Variants in ZNF385D observed in about 807,000 individuals in gnomAD.
ZNF385D encodes the protein zinc finger protein 659.
A neutral mutation model predicts 35.8 loss-of-function variants in ZNF385D; 15 were observed. That is an observed-to-expected ratio of 0.42 (90% CI 0.28 to 0.64). The LOEUF (loss-of-function observed/expected upper bound fraction) is 0.64. Among genes scored for constraint, ZNF385D ranks in the 30% least tolerant of loss-of-function variants. ZNF385D has a pLI of 0.23. For missense variants in ZNF385D, 474 were observed against 494.6 expected (o/e 0.96, Z 0.39); for synonymous variants, 212 against 186.8 (o/e 1.13, Z -1.10).
At chr3:22,040,567 A>T (rs142008119) in intron 3 of ZNF385D, among the ~76,000 whole-genome samples, 1 of 152,196 alleles carries the variant, frequency 6.6e-6, no homozygotes, top group Admixed American at 6.5e-5. Context: ...AATAATGATA[A>T]TCACACATTT....
chr3:21,923,395 T>G (rs1219722737), intron 3 of ZNF385D, among the ~76,000 whole-genome samples: 1 of 152,300 alleles, frequency 6.6e-6, no homozygotes, highest in East Asian at 1.9e-4. Context: ...AGTGAATGTT[T>G]ATACACTGTT....
At chr3:21,962,110 A>G (rs557051465) in intron 3 of ZNF385D, among the ~76,000 whole-genome samples, 2 of 152,240 alleles carry the variant, frequency 1.3e-5, no homozygotes, top group African/African-American at 4.8e-5. Context: ...TAAAGTGCAG[A>G]AAACATATTA....
chr3:22,091,059 G>A (rs981756659), intron 3 of ZNF385D, among the ~76,000 whole-genome samples: 2 of 152,102 alleles, frequency 1.3e-5, no homozygotes, highest in Non-Finnish European at 1.5e-5. Flanking sequence ...TTCAACAGGT[G>A]TTAGGCCAAG....
intron 2 of ZNF385D, among the ~76,000 whole-genome samples, chr3:22,303,031 ATGT>A (rs1313595330): frequency 6.6e-6 from 1 of 151,978 alleles, no homozygotes; most frequent in Non-Finnish European, 1.5e-5. Flanking sequence ...TTTTTTGTTA[ATGT>A]TGTTAATTGC....
intron 5 of ZNF385D, among the ~76,000 whole-genome samples, chr3:21,433,197 A>G (rs368255): frequency 0.63 from 95,518 of 151,738 alleles, 32,556 homozygotes; most frequent in Non-Finnish European, 0.77. Context: ...GATAGCATTT[A>G]ATGGAAGTTG....
upstream of ZNF385D, among the ~76,000 whole-genome samples, chr3:21,754,080 A>G (rs1425366289): frequency 4.6e-5 from 7 of 152,212 alleles, no homozygotes; most frequent in Non-Finnish European, 8.8e-5. Flanking sequence ...TTTGTTATCC[A>G]TTCATCCACT....
chr3:21,699,478 AAAGTAT>A (rs2067594277), intron 1 of ZNF385D, among the ~76,000 whole-genome samples: 1 of 152,162 alleles, frequency 6.6e-6, no homozygotes, highest in Non-Finnish European at 1.5e-5. Flanking sequence ...CCCAGAACTT[AAAGTAT>A]AATAATAAAA....
At chr3:22,211,391 T>A (rs1318586403) in intron 2 of ZNF385D, among the ~76,000 whole-genome samples, 1 of 151,894 alleles carries the variant, frequency 6.6e-6, no homozygotes, top group African/African-American at 2.4e-5. Flanking sequence ...CCCTCCTGAG[T>A]GGTCAGTAGA....
At chr3:21,528,621 A>G (rs1377699298) in intron 3 of ZNF385D, among the ~76,000 whole-genome samples, 4 of 152,226 alleles carry the variant, frequency 2.6e-5, no homozygotes, top group Admixed American at 2.0e-4. Flanking sequence ...AATGGATCAT[A>G]ACATTTGATT....
intron 1 of ZNF385D, among the ~76,000 whole-genome samples, chr3:21,733,579 C>T (rs1391724054): frequency 1.3e-5 from 2 of 152,078 alleles, no homozygotes; most frequent in Non-Finnish European, 2.9e-5. Context: ...TTTTTCCAAG[C>T]ACAAGTTATT....
intron 3 of ZNF385D, among the ~76,000 whole-genome samples, chr3:22,106,547 G>T (rs1702223012): frequency 6.6e-6 from 1 of 152,046 alleles, no homozygotes; most frequent in Non-Finnish European, 1.5e-5. Context: ...TAGCTCCTGG[G>T]CATCTGATTT....
intron 1 of ZNF385D, among the ~76,000 whole-genome samples, chr3:21,708,000 TG>T (rs562521147): frequency 4.6e-5 from 7 of 152,188 alleles, no homozygotes; most frequent in Non-Finnish European, 8.8e-5. Flanking sequence ...ACTACGGGCA[TG>T]TAGGACTTTG....
intron 3 of ZNF385D, among the ~76,000 whole-genome samples, chr3:22,087,301 T>G (rs887985807): frequency 1.3e-5 from 2 of 152,106 alleles, no homozygotes; most frequent in African/African-American, 4.8e-5. Context: ...CATATCCATT[T>G]CCTCTAAGCC....
intron 4 of ZNF385D, 62 bp from the exon 5 acceptor site, chr3:21,437,265 G>A: frequency 7.0e-7 from 1 of 1,428,522 alleles, no homozygotes. Context: ...TCCCTATTCA[G>A]GAATGTATCA....
intron 2 of ZNF385D, among the ~76,000 whole-genome samples, chr3:22,260,082 G>A (rs756978452): frequency 1.3e-5 from 2 of 151,942 alleles, no homozygotes; most frequent in Non-Finnish European, 2.9e-5. Context: ...TTTACAGTGT[G>A]CTCTACTCTA....
rs955832409 is a variant in ZNF385D, at chr3:22,092,076, A to G, written c.325+76741T>C. ...TTGTTTCACTTTTGAATAAAAGTTC[A>G]AGATTGAATAGAAGAGTGAATATGG... On this transcript the variant is annotated intron_variant, in intron 3 of 5. Coordinates refer to the ZNF385D transcript ENST00000494108. Among the ~76,000 whole-genome samples, 18 of 152,340 alleles carry G rather than the reference A, an allele frequency of 1.2e-4. No homozygotes were observed. The East Asian group carries it at 2.5e-3, about 21-fold the overall frequency.
At chr3:22,368,261 G>C (rs1696744957) in intron 2 of ZNF385D, among the ~76,000 whole-genome samples, 2 of 152,102 alleles carry the variant, frequency 1.3e-5, no homozygotes, top group African/African-American at 4.8e-5. Flanking sequence ...TTTATCAGGA[G>C]GTTAGGAATA....
intron 3 of ZNF385D, among the ~76,000 whole-genome samples, chr3:21,756,607 T>C (rs527493016): frequency 7.9e-5 from 12 of 152,218 alleles, no homozygotes; most frequent in African/African-American, 2.6e-4. Context: ...GAAGTATAGA[T>C]TGAAAAAGGA....
intron 3 of ZNF385D, among the ~76,000 whole-genome samples, chr3:22,056,658 T>C (rs1319723978): frequency 6.6e-6 from 1 of 152,242 alleles, no homozygotes; most frequent in Admixed American, 6.5e-5. Flanking sequence ...TTCAAAACTA[T>C]TGTTCAGTGT....
Sources: allele counts gnomAD v4.1 joint callset (sites outside exome capture counted in the v4.1 genomes callset), GRCh38; gene constraint gnomAD v4.1.1; transcripts MANE v1.5; gene names NCBI Gene and HGNC (gene_info 2026-07-23, HGNC 2026-07-21).